CSTF3: variants seen among roughly 807,000 people sequenced by gnomAD.
The protein encoded by CSTF3 is CF-1 77 kDa subunit.
A neutral mutation model predicts 105.8 loss-of-function variants in CSTF3; 29 were observed. The observed-to-expected ratio is 0.27, with a 90% CI of 0.20 to 0.37. The LOEUF is 0.37. Ranked by LOEUF, CSTF3 falls within the 10% of genes least tolerant of loss-of-function variation. The pLI is 1.00. For synonymous variants in CSTF3, 252 were observed against 281.9 expected, an observed-to-expected ratio of 0.89 and a Z score of 1.06; for missense variants, 357 against 879.3, an observed-to-expected ratio of 0.41 and a Z score of 7.51.
chr11:33,122,629 T>C (rs1472058256), intron 3 of CSTF3, among the ~76,000 whole-genome samples: 2 of 151,712 alleles, frequency 1.3e-5, no homozygotes, highest in African/African-American at 2.4e-5. Context: ...TGAAAGAAAA[T>C]ATAGGCCGAG....
intron 1 of CSTF3, among the ~76,000 whole-genome samples, chr11:33,158,528 A>T (rs1018745511): frequency 6.6e-6 from 1 of 152,196 alleles, no homozygotes; most frequent in Non-Finnish European, 1.5e-5. Flanking sequence ...AAGATTTATC[A>T]ATTGATAACT....
At chr11:33,103,216 GTA>G (rs1397846333) in intron 8 of CSTF3, 32 bp from the exon 9 acceptor site, 6 of 1,079,730 alleles carry the variant, frequency 5.6e-6, no homozygotes, top group East Asian at 2.8e-5. Context: ...TTAAAATTAA[GTA>G]TAGTTTCTTA....
chr11:33,142,969 T>C (rs1390816590), intron 1 of CSTF3, among the ~76,000 whole-genome samples: 1 of 152,188 alleles, frequency 6.6e-6, no homozygotes, highest in Non-Finnish European at 1.5e-5. Flanking sequence ...TGAGAGAGGT[T>C]GAAGTCACAG....
At chr11:33,089,553 G>T (rs1855145471) in intron 17 of CSTF3, among the ~76,000 whole-genome samples, 1 of 152,146 alleles carries the variant, frequency 6.6e-6, no homozygotes, top group African/African-American at 2.4e-5. Context: ...TCATTGAGAA[G>T]TAGTTAAAAC....
At position 33,146,066 on chromosome 11, in the gene CSTF3, C is replaced by T. The variant is rs558900678; in HGVS notation, c.28-4080G>A. ...AGCCCAACCAATATGGTGAAACCCC[C>T]GTCTCTACTAAAAATACAAAAATTA... On this transcript the variant is annotated intron_variant, in intron 1 of 20. Coordinates refer to ENST00000323959, the MANE Select transcript of CSTF3 (RefSeq NM_001326.3). Among the ~76,000 whole-genome samples, 5 of 151,360 alleles carry T rather than the reference C, an allele frequency of 3.3e-5. No homozygotes were observed. In the East Asian group the frequency reaches 5.9e-4, roughly 18 times the overall value.
At chr11:33,100,386 G>A (rs1855269802) in intron 10 of CSTF3, among the ~76,000 whole-genome samples, 1 of 150,948 alleles carries the variant, frequency 6.6e-6, no homozygotes, top group Non-Finnish European at 1.5e-5. Flanking sequence ...GTTTAGAGAC[G>A]GGGTTTCACC....
chr11:33,131,703 T>C (rs1053985427), intron 3 of CSTF3, among the ~76,000 whole-genome samples: 1 of 142,936 alleles, frequency 7.0e-6, no homozygotes, highest in African/African-American at 2.5e-5. Context: ...AAAAAAAAAA[T>C]TAGCCGGGAG....
chr11:33,101,737 A>G (rs553757227), intron 10 of CSTF3, among the ~76,000 whole-genome samples: 1 of 152,284 alleles, frequency 6.6e-6, no homozygotes, highest in East Asian at 1.9e-4. Context: ...CAGTCAAGAG[A>G]AAAAGCAATC....
intron 8 of CSTF3, among the ~76,000 whole-genome samples, 163 bp downstream of exon 8, chr11:33,105,404 T>A (rs1855317185): frequency 6.6e-6 from 1 of 152,180 alleles, no homozygotes; most frequent in African/African-American, 2.4e-5. Context: ...AAAATAACAC[T>A]ATATGGAGAC....
At position 33,107,975 on chromosome 11, in the gene CSTF3, A is replaced by C. The variant is rs1855343246; in HGVS notation, c.284T>G (p.Val95Gly). Residue 95 changes from valine (V) to glycine (G), a missense_variant, in exon 5 of 21, where the codon GTT (valine) becomes GGT (glycine). Coordinates refer to ENST00000323959, the MANE Select transcript of CSTF3 (RefSeq NM_001326.3). ...EKLFQRCLMK[V>G]LHIDLWKCYL... ...ACACTTCCATAAATCAATGTGCAAAACCTTCATAAGGCATCTCTGAAATAG... is the reference window on the plus strand; with the variant it reads ...ACACTTCCATAAATCAATGTGCAAACCCTTCATAAGGCATCTCTGAAATAG... The C allele has an allele frequency of 1.9e-6, 3 of 1,610,254 alleles. No individual in the cohort carries two copies. Among genetic ancestry groups the C allele is most frequent in the Non-Finnish European group, 2.5e-6 (3 of 1,178,212 alleles).
At chr11:33,141,559 C>G (rs1855710643) in intron 3 of CSTF3, 108 bp downstream of exon 3, 1 of 1,420,294 alleles carries the variant, frequency 7.0e-7, no homozygotes, top group Admixed American at 3.1e-5. Flanking sequence ...AAAGGTAAGA[C>G]ACATTTAAAT....
At chr11:33,115,131 T>G (rs1327939575) in intron 3 of CSTF3, among the ~76,000 whole-genome samples, 1 of 152,148 alleles carries the variant, frequency 6.6e-6, no homozygotes, top group Non-Finnish European at 1.5e-5. Flanking sequence ...CCCTGCATCT[T>G]TTCTACTCTA....
At chr11:33,110,053 T>C (rs529076661) in intron 3 of CSTF3, among the ~76,000 whole-genome samples, 2 of 152,356 alleles carry the variant, frequency 1.3e-5, no homozygotes, top group African/African-American at 4.8e-5. Context: ...CCTGTGTTCA[T>C]ATTACTTTGT....
At chr11:33,150,219 TAA>T (rs10714096) in intron 1 of CSTF3, among the ~76,000 whole-genome samples, 115 of 104,370 alleles carry the variant, frequency 1.1e-3, no homozygotes, top group African/African-American at 2.1e-3. Flanking sequence ...TGTCTCAAAC[TAA>T]AAAAAAAAAA....
chr11:33,126,323 G>C (rs1354268661), intron 3 of CSTF3, among the ~76,000 whole-genome samples: 1 of 152,000 alleles, frequency 6.6e-6, no homozygotes, highest in Non-Finnish European at 1.5e-5. Flanking sequence ...TGCAACTGTG[G>C]TCTTGGCTAC....
chr11:33,123,617 A>G (rs577150593), intron 3 of CSTF3, among the ~76,000 whole-genome samples: 2 of 152,176 alleles, frequency 1.3e-5, no homozygotes, highest in African/African-American at 2.4e-5. Context: ...CATGTCCTTC[A>G]GTAGGAGACA....
intron 1 of CSTF3, among the ~76,000 whole-genome samples, chr11:33,142,910 C>T (rs897330506): frequency 2.0e-5 from 3 of 152,056 alleles, no homozygotes; most frequent in South Asian, 2.1e-4. Context: ...ACTGTATGCC[C>T]GTGAGAGATT....
At chr11:33,111,742 G>T (rs1194241670) in intron 3 of CSTF3, among the ~76,000 whole-genome samples, 1 of 152,026 alleles carries the variant, frequency 6.6e-6, no homozygotes, top group East Asian at 1.9e-4. Context: ...TTCTTTAATT[G>T]GTAAATTGGT....
chr11:33,108,033 G>T, intron 4 of CSTF3, 33 bp from the exon 5 acceptor site: 1 of 1,380,184 alleles, frequency 7.2e-7, no homozygotes, highest in Non-Finnish European at 1.0e-6. Flanking sequence ...TCAGAATCCA[G>T]TTAAATAAAT....
Sources: gnomAD v4.1 joint callset for allele counts (sites outside exome capture counted in the v4.1 genomes callset) on GRCh38, gnomAD v4.1.1 for gene constraint, MANE v1.5 for transcripts, NCBI Gene and HGNC (gene_info 2026-07-23, HGNC 2026-07-21) for gene names.